The following MYO10 variants were observed in gnomAD, a reference collection of about 807,000 sequenced individuals.
MYO10 encodes unconventional myosin-X.
MYO10 carries 133 observed loss-of-function variants against 257.3 expected under a neutral mutation model. That is an observed-to-expected ratio of 0.52 (90% CI 0.45 to 0.60). The LOEUF (loss-of-function observed/expected upper bound fraction) is 0.60, where lower values mean the gene tolerates loss of function less well. MYO10 is among the 20% of genes least tolerant of loss of function. The pLI, the probability that MYO10 is intolerant of heterozygous loss-of-function variation, is 0.00. For missense variants in MYO10, 2,399 were observed against 2,635.7 expected, an observed-to-expected ratio of 0.91 and a Z score of 1.97; for synonymous variants, 1,104 against 1,028.6, an observed-to-expected ratio of 1.07 and a Z score of -1.40.
At chr5:16,761,591 G>A (rs781428226) in intron 16 of MYO10, 45 bp from the exon 17 acceptor site, 1 of 1,418,502 alleles carries the variant, frequency 7.0e-7, no homozygotes, top group Non-Finnish European at 9.9e-7. Flanking sequence ...TGAAAGAATA[G>A]TTTCAGGTCA....
intron 2 of MYO10, among the ~76,000 whole-genome samples, chr5:16,832,243 G>A (rs1291791098): frequency 6.6e-6 from 1 of 152,084 alleles, no homozygotes; most frequent in African/African-American, 2.4e-5. Context: ...ACCTGGCTTT[G>A]TAGGTGTTTT....
At position 16,701,433 on chromosome 5, in the gene MYO10, A is replaced by G. The variant is rs1183278546; in HGVS notation, c.2962T>C (p.Tyr988His). ...EKPNFNFSQP[Y>H]PEEEVDEGFE... ...CCCTCATCGACCTCCTCCTCTGGGT[A>G]GGGCTGGCTGAAGTTGAAGTTGGGC... is the stretch of plus-strand genomic sequence containing the variant. Residue 988 changes from tyrosine (Y) to histidine (H), a missense_variant, in exon 25 of 41, where the codon TAC (tyrosine) becomes CAC (histidine). Around this residue, in one of 3 missense-constraint regions of MYO10, gnomAD observed 1,820 missense variants for 1,939.4 expected, o/e 0.94. Transcript: ENST00000513610. The surrounding 1 kb of genome is among the most constrained non-coding windows in gnomAD (Gnocchi z 8.1). 1 of 1,613,932 alleles carries G rather than the reference A, an allele frequency of 6.2e-7. No individual in the cohort carries two copies. The highest frequency in any genetic ancestry group is 1.7e-5 in the Admixed American group (1 of 60,024).
intron 9 of MYO10, among the ~76,000 whole-genome samples, chr5:16,772,839 G>C (rs942473836): frequency 1.3e-5 from 2 of 152,138 alleles, no homozygotes; most frequent in Non-Finnish European, 2.9e-5. Context: ...GCATATTTTA[G>C]TTACATGGAA....
intron 2 of MYO10, among the ~76,000 whole-genome samples, chr5:16,865,997 T>C (rs1044559005): frequency 4.9e-5 from 7 of 143,126 alleles, no homozygotes; most frequent in South Asian, 2.2e-4. Flanking sequence ...AAGTTTTATG[T>C]CATATTTATT....
At chr5:16,876,683 T>C (rs1251830954) in intron 2 of MYO10, among the ~76,000 whole-genome samples, 2 of 152,128 alleles carry the variant, frequency 1.3e-5, no homozygotes, top group Non-Finnish European at 2.9e-5. Context: ...GCCCCCCAAT[T>C]AGCTGGGATT....
chr5:16,801,586 C>T (rs1307464676), intron 3 of MYO10, among the ~76,000 whole-genome samples: 3 of 152,114 alleles, frequency 2.0e-5, no homozygotes, highest in Non-Finnish European at 2.9e-5. Flanking sequence ...CTGCTGTGGT[C>T]CTTCTCGTTT....
intron 4 of MYO10, among the ~76,000 whole-genome samples, chr5:16,788,950 A>G (rs565474789): frequency 6.6e-6 from 1 of 152,332 alleles, no homozygotes; most frequent in East Asian, 1.9e-4. Context: ...AAGGAGGCTC[A>G]GAGATGCAGC....
At chr5:16,711,593 C>G (rs1738622579) in intron 19 of MYO10, among the ~76,000 whole-genome samples, 1 of 152,056 alleles carries the variant, frequency 6.6e-6, no homozygotes, top group Non-Finnish European at 1.5e-5. Flanking sequence ...ACCAGCCTGG[C>G]CAATATGGTG....
chr5:16,747,677 G>C (rs190161432), intron 19 of MYO10, among the ~76,000 whole-genome samples: 1 of 152,146 alleles, frequency 6.6e-6, no homozygotes, highest in Non-Finnish European at 1.5e-5. Flanking sequence ...CCAGCACTTC[G>C]GGAGGCCGAG....
intron 2 of MYO10, among the ~76,000 whole-genome samples, chr5:16,870,512 T>G (rs1744422809): frequency 6.6e-6 from 1 of 151,582 alleles, no homozygotes; most frequent in African/African-American, 2.4e-5. Context: ...CACAGGTGAT[T>G]CGTATGCACC....
intron 14 of MYO10, among the ~76,000 whole-genome samples, chr5:16,762,964 A>AG (rs1491533694): frequency 2.4e-5 from 3 of 122,976 alleles, no homozygotes; most frequent in East Asian, 2.5e-4. Flanking sequence ...ACTCCGTCTC[A>AG]GGGGAAAAAA....
At chr5:16,765,433 T>C (rs551853711) in intron 11 of MYO10, among the ~76,000 whole-genome samples, 1 of 152,312 alleles carries the variant, frequency 6.6e-6, no homozygotes, top group Non-Finnish European at 1.5e-5. Context: ...ACACAGCCTA[T>C]TGTGGGACCT....
At chr5:16,672,485 G>A (rs925592960) in intron 37 of MYO10, among the ~76,000 whole-genome samples, 4 of 152,084 alleles carry the variant, frequency 2.6e-5, no homozygotes, top group Non-Finnish European at 5.9e-5. Context: ...CCACTGACAA[G>A]TTACATCACG....
chr5:16,701,599 C>G lies in MYO10; in HGVS notation c.2796G>C (p.Glu932Asp), dbSNP rs1191970944. The G allele has an allele frequency of 6.2e-7, 1 of 1,613,322 alleles. No individual in the cohort carries two copies. The highest frequency in any genetic ancestry group is 1.1e-5 in the South Asian group (1 of 90,972). The change falls in exon 25 of 41, where the codon GAG becomes GAC. Residue 932 changes from glutamate to aspartate, a missense_variant. Around this residue, in one of 3 missense-constraint regions of MYO10, gnomAD observed 1,820 missense variants for 1,939.4 expected, o/e 0.94. Transcript: ENST00000513610. This position sits in a 1 kb window ranked among gnomAD's most constrained non-coding sequence, Gnocchi z 8.1. ...ACTCCTGGGCCGCCCTGCACGCTTC[C>G]TCCTCCAGCCTGCGGAGCTCCTGGT... Reference protein sequence around the residue: ...RRDQELRRLEEEACRAAQEFL... With the variant: ...RRDQELRRLEDEACRAAQEFL...
At chr5:16,870,737 A>G (rs1179113065) in intron 2 of MYO10, among the ~76,000 whole-genome samples, 1 of 152,104 alleles carries the variant, frequency 6.6e-6, no homozygotes, top group African/African-American at 2.4e-5. Context: ...TACTAAAAAT[A>G]CAAAATTAGC....
intron 19 of MYO10, among the ~76,000 whole-genome samples, chr5:16,718,154 GCT>G (rs1273646110): frequency 6.6e-6 from 1 of 152,364 alleles, no homozygotes; most frequent in South Asian, 2.1e-4. Context: ...CCGGCGCTGT[GCT>G]CTGTTTCTCG....
At chr5:16,799,827 G>A (rs1742070963) in intron 3 of MYO10, among the ~76,000 whole-genome samples, 1 of 152,062 alleles carries the variant, frequency 6.6e-6, no homozygotes, top group African/African-American at 2.4e-5. Flanking sequence ...CGCTCCCTGG[G>A]GAGGCAGCCC....
chr5:16,702,897 T>C (rs1216255360), intron 23 of MYO10, 28 bp downstream of exon 23: 1 of 1,536,698 alleles, frequency 6.5e-7, no homozygotes, highest in African/African-American at 1.4e-5. Context: ...TATCCATTTG[T>C]TTCATCCCAG....
At chr5:16,824,889 C>CA (rs1243001699) in intron 2 of MYO10, among the ~76,000 whole-genome samples, 2 of 151,854 alleles carry the variant, frequency 1.3e-5, no homozygotes, top group East Asian at 1.9e-4. Context: ...CAAAACAAAA[C>CA]AAAAAAACTT....
Sources: gnomAD v4.1 joint callset for allele counts (sites outside exome capture counted in the v4.1 genomes callset) on GRCh38, gnomAD v4.1.1 for gene constraint, gnomAD v4.1.1 regional missense constraint, Gnocchi (gnomAD v3.1) non-coding constraint, MANE v1.5 for transcripts, NCBI Gene and HGNC (gene_info 2026-07-23, HGNC 2026-07-21) for gene names.